Variants in SFI1 observed in about 807,000 individuals in gnomAD.
SFI1 encodes protein SFI1 homolog.
SFI1 carries 195 observed loss-of-function variants against 207.5 expected under a neutral mutation model. The observed-to-expected ratio is 0.94, with a 90% CI of 0.84 to 1.06. The LOEUF (loss-of-function observed/expected upper bound fraction) is 1.06, where lower values mean the gene tolerates loss of function less well. Ranked by LOEUF, SFI1 falls within the 50% of genes least tolerant of loss-of-function variation. The pLI is 0.00. For synonymous variants in SFI1, 630 were observed against 598.9 expected (o/e 1.05, Z -0.76); for missense variants, 1,634 against 1,588.0 (o/e 1.03, Z -0.49).
chr22:31,524,951 C>T (rs1295507406), intron 2 of SFI1, among the ~76,000 whole-genome samples: 4 of 152,010 alleles, frequency 2.6e-5, no homozygotes, highest in South Asian at 2.1e-4. Context: ...CATGCCACCA[C>T]GCCCAGCTAA....
intron 12 of SFI1, among the ~76,000 whole-genome samples, chr22:31,582,236 ATTTTTTTTT>A (rs1161846940): frequency 0.024 from 244 of 10,086 alleles, no homozygotes; most frequent in African/African-American, 0.043. Context: ...ATATATATAT[ATTTTTTTTT>A]TTTTTTTTTT....
At chr22:31,537,422 G>GAGAAA (rs2059099543) in intron 4 of SFI1, among the ~76,000 whole-genome samples, 3 of 152,218 alleles carry the variant, frequency 2.0e-5, no homozygotes, top group Non-Finnish European at 2.9e-5. Flanking sequence ...GGGCTTGGCA[G>GAGAAA]TGGGTGTTGG....
chr22:31,512,021 A>C (rs1269327199), intron 2 of SFI1, among the ~76,000 whole-genome samples: 3 of 152,174 alleles, frequency 2.0e-5, no homozygotes, highest in Admixed American at 2.0e-4. Flanking sequence ...ATTTTGAAAC[A>C]AACAATGTAA....
chr22:31,606,665 C>A, intron 21 of SFI1: 10 of 281,032 alleles, frequency 3.6e-5, no homozygotes, highest in Non-Finnish European at 3.3e-5. Flanking sequence ...TGAACTAGTT[C>A]TTATCAGAAC....
chr22:31,583,919 GA>G lies in SFI1; in HGVS notation c.1298del (p.Lys433ArgfsTer18), dbSNP rs2064679698. ...WNLWRSQIEQ[K>X]KERELLPLLH... ...ACCTCTGGCGGTCTCAGATTGAGCA[GA>G]AAAAGGAAAGAGAGCTGCTCCCCTT... On this transcript the variant is annotated frameshift_variant, in exon 13 of 33. Coordinates refer to ENST00000400288, the MANE Select transcript of SFI1 (RefSeq NM_001007467.3). LOFTEE classifies it high-confidence loss of function. 1 of 1,614,030 alleles carries G rather than the reference GA, an allele frequency of 6.2e-7. No homozygotes were observed. Among genetic ancestry groups the G allele is most frequent in the Admixed American group, 1.7e-5 (1 of 59,984 alleles).
chr22:31,599,834 AAAATTC>A (rs1312350529), intron 15 of SFI1, among the ~76,000 whole-genome samples: 30 of 152,066 alleles, frequency 2.0e-4, no homozygotes, highest in Admixed American at 1.8e-3. Context: ...TGAAAACAAT[AAAATTC>A]TATTTTGTCC....
In SFI1 at chr22:31,504,471, C is replaced by T. The variant is rs185827704; in HGVS notation, c.-30-3784C>T. Among the ~76,000 whole-genome samples, 85 of 152,250 alleles carry T rather than the reference C, an allele frequency of 5.6e-4. 1 individual carries two copies. In the Middle Eastern group the frequency reaches 0.027, roughly 49 times the overall value. ...ACTTCATTCTTTTAGAATGAAACAA[C>T]TTGTAAATGCATCACCGTTACTCAA... On this transcript the variant is annotated intron_variant, in intron 1 of 32. Transcript: ENST00000400288.
In SFI1 at chr22:31,546,960, C is replaced by T. The variant is rs552490592; in HGVS notation, c.438C>T (p.Asp146=). 5 of 1,607,708 alleles carry T rather than the reference C, an allele frequency of 3.1e-6. No individual in the cohort carries two copies. In the Admixed American group the frequency reaches 5.0e-5, roughly 16 times the overall value. Residue 146 remains aspartate, a synonymous_variant, in exon 5 of 33, where the codon GAC becomes GAT. Coordinates refer to ENST00000400288, the MANE Select transcript of SFI1 (RefSeq NM_001007467.3). ...QHEWKLCVRA[D]CHYRYYLYNL... is the part of the protein sequence containing the mutation. ...AGTGGAAACTCTGTGTTCGAGCTGA[C>T]TGTCACTACAGGTCAGGTTTCATGT...
At chr22:31,593,846 G>A (rs1357909937) in intron 15 of SFI1, among the ~76,000 whole-genome samples, 1 of 147,984 alleles carries the variant, frequency 6.8e-6, no homozygotes, top group Non-Finnish European at 1.5e-5. Flanking sequence ...CCAGTCAGGC[G>A]TGGCGGCGCG....
rs1461123163 is a variant in SFI1, at chr22:31,602,714, C to T, written c.1734C>T (p.Ala578=). ...AGGAGTGGCAAACAGTGGCCTGTGC[C>T]CACCACCGCCACGGGCGGCTCAAGA... The part of the protein sequence containing the change: ...QEQEWQTVAC[A]HHRHGRLKKA... Residue 578 remains alanine (A), a synonymous_variant, in exon 17 of 33, where the codon GCC becomes GCT. Transcript: ENST00000400288. The T allele has an allele frequency of 5.6e-6, 9 of 1,607,096 alleles. No individual in the cohort carries two copies. The highest frequency in any genetic ancestry group is 6.8e-6 in the Non-Finnish European group (8 of 1,179,938).
intron 9 of SFI1, 62 bp downstream of exon 9, chr22:31,573,276 G>A: frequency 1.9e-6 from 3 of 1,576,142 alleles, no homozygotes; most frequent in African/African-American, 1.3e-5. Context: ...CTCTCCTGCT[G>A]CCAGTGGTAC....
intron 26 of SFI1, 27 bp from the exon 27 acceptor site, chr22:31,613,575 A>G: frequency 6.3e-7 from 1 of 1,578,410 alleles, no homozygotes; most frequent in Non-Finnish European, 8.6e-7. Context: ...AGGGTGTGGC[A>G]TGAGCTGACC....
chr22:31,580,457 T>G (rs1231956390), intron 12 of SFI1, 93 bp downstream of exon 12: 2 of 1,019,188 alleles, frequency 2.0e-6, no homozygotes, highest in Non-Finnish European at 2.9e-6. Flanking sequence ...AGAACTCTTT[T>G]TAAAAAAACT....
At chr22:31,611,870 C>A in intron 24 of SFI1, 30 bp downstream of exon 24, 1 of 1,612,440 alleles carries the variant, frequency 6.2e-7, no homozygotes, top group Non-Finnish European at 8.5e-7. Flanking sequence ...CCCCTCTGCA[C>A]TTCCTTCTCC....
rs1171966326 is a variant in SFI1, at chr22:31,592,768, C to T, written c.1544+3191C>T. On this transcript the variant is annotated intron_variant, in intron 15 of 32. Transcript: ENST00000400288. ...CAGTAGGGGCGGCCGGGCAGAGGCG[C>T]CCCTCACCTCCCAGACGGGGCGGCT... 7.5e-3 allele frequency among the ~76,000 whole-genome samples: 902 copies of T among 121,038 alleles called. 15 individuals are homozygous for T. The highest frequency in any genetic ancestry group is 0.055 in the Admixed American group (721 of 13,156). The allele number at this position is 121,038 out of a possible 152,430, so 79.4% of individuals were successfully genotyped here.
chr22:31,572,151 A>G (rs1603010550), intron 8 of SFI1, among the ~76,000 whole-genome samples: 2 of 152,218 alleles, frequency 1.3e-5, no homozygotes, highest in African/African-American at 2.4e-5. Context: ...AACATGGTGG[A>G]CCTTAAGGAA....
At chr22:31,524,360 C>T (rs938298937) in intron 2 of SFI1, among the ~76,000 whole-genome samples, 36 of 152,084 alleles carry the variant, frequency 2.4e-4, no homozygotes, top group Admixed American at 1.9e-3. Context: ...AGCATTTCTT[C>T]GTATATGTGT....
intron 9 of SFI1, 104 bp downstream of exon 9, chr22:31,573,318 C>A: frequency 7.9e-7 from 1 of 1,261,032 alleles, no homozygotes; most frequent in Non-Finnish European, 1.1e-6. Flanking sequence ...GGTGCTACTC[C>A]AGAAATTTTG....
intron 31 of SFI1, among the ~76,000 whole-genome samples, chr22:31,617,604 C>T (rs2071901625): frequency 6.6e-6 from 1 of 151,892 alleles, no homozygotes; most frequent in Admixed American, 6.6e-5. Flanking sequence ...GCATGTAGTC[C>T]CAACTACTTG....
Sources: gnomAD v4.1 joint callset for allele counts (sites outside exome capture counted in the v4.1 genomes callset) on GRCh38, gnomAD v4.1.1 for gene constraint, MANE v1.5 for transcripts, NCBI Gene and HGNC (gene_info 2026-07-23, HGNC 2026-07-21) for gene names.